SUZ12: variants seen among roughly 807,000 people sequenced by gnomAD.
The protein encoded by SUZ12 is polycomb protein SUZ12.
In SUZ12, 17 loss-of-function variants were observed where a neutral mutation model predicts 87.3. That is an observed-to-expected ratio of 0.19 (90% CI 0.13 to 0.29). SUZ12 has a LOEUF of 0.29. Ranked by LOEUF, SUZ12 falls within the 10% of genes least tolerant of loss-of-function variation. SUZ12 has a pLI of 1.00. For missense variants in SUZ12, 526 were observed against 912.2 expected (o/e 0.58, Z 5.45); for synonymous variants, 253 against 312.4 (o/e 0.81, Z 2.01).
chr17:31,946,062 T>C (rs1906618018), intron 3 of SUZ12, among the ~76,000 whole-genome samples: 1 of 152,190 alleles, frequency 6.6e-6, no homozygotes, highest in Non-Finnish European at 1.5e-5. Flanking sequence ...TATTGAAGTT[T>C]TCAGTAACTC....
Position 31,996,828 on chromosome 17 carries a change from G to A in SUZ12, c.1825G>A (p.Gly609Arg). ...TGAAGAGTTTTCTGATGTTAATGAA[G>A]GAGAGAAAGAAGTGATGAAACTCTG... Reference protein sequence around the residue: ...QIEEFSDVNEGEKEVMKLWNL... With the variant: ...QIEEFSDVNEREKEVMKLWNL... The change falls in exon 15 of 16, where the codon GGA becomes AGA. Residue 609 changes from glycine to arginine, a missense_variant. Coordinates refer to ENST00000322652, the MANE Select transcript of SUZ12 (RefSeq NM_015355.4). 6.4e-7 allele frequency: 1 copy of A among 1,553,410 alleles called. No individual in the cohort carries two copies. Among genetic ancestry groups the A allele is most frequent in the South Asian group, 1.3e-5 (1 of 77,928 alleles).
intron 1 of SUZ12, 71 bp from the exon 2 acceptor site, chr17:31,940,215 C>T: frequency 6.4e-7 from 1 of 1,560,914 alleles, no homozygotes; most frequent in Non-Finnish European, 8.6e-7. Flanking sequence ...TTGATTATAA[C>T]ATGGTCTCGG....
intron 4 of SUZ12, among the ~76,000 whole-genome samples, chr17:31,964,413 G>GTTGTT (rs1907961032): frequency 7.0e-6 from 1 of 142,028 alleles, no homozygotes; most frequent in African/African-American, 2.6e-5. Context: ...AACTCTGTAG[G>GTTGTT]TTTTTTTTTT....
intron 9 of SUZ12, among the ~76,000 whole-genome samples, chr17:31,987,734 C>T (rs1490358654): frequency 6.6e-6 from 1 of 152,020 alleles, no homozygotes; most frequent in Non-Finnish European, 1.5e-5. Flanking sequence ...AGTTCAAGAC[C>T]AGCCTGGCCA....
intron 4 of SUZ12, among the ~76,000 whole-genome samples, chr17:31,954,787 G>A (rs1365793645): frequency 2.0e-5 from 3 of 152,060 alleles, no homozygotes; most frequent in Non-Finnish European, 1.5e-5. Context: ...GGGGTGGGAG[G>A]ATGAACAAAT....
chr17:31,944,707 ATTTCAG>A (rs1247035995), intron 3 of SUZ12, among the ~76,000 whole-genome samples: 2 of 152,120 alleles, frequency 1.3e-5, no homozygotes, highest in Non-Finnish European at 2.9e-5. Flanking sequence ...CAGACCTGTA[ATTTCAG>A]CATTTCGGGA....
Position 31,988,331 on chromosome 17 carries a change from A to C in SUZ12, c.1035A>C (p.Pro345=), listed in dbSNP as rs1219912111. The C allele has an allele frequency of 6.4e-7, 1 of 1,563,002 alleles. No homozygotes were observed. ...TTTTTATTTTTTAGAGGCTGCCTCC[A>C]TTCGAAACATTTTCTCAGGGACCTA... ...ETILDGKRLP[P]FETFSQGPTL... Residue 345 remains proline (P), a synonymous_variant, in exon 10 of 16, where the codon CCA becomes CCC. Transcript: ENST00000322652.
intron 8 of SUZ12, among the ~76,000 whole-genome samples, chr17:31,979,013 G>A (rs1278365944): frequency 6.7e-6 from 1 of 150,308 alleles, no homozygotes; most frequent in Non-Finnish European, 1.5e-5. Flanking sequence ...GGCTGAGGCA[G>A]GAGAATCGCT....
At chr17:31,958,725 A>AT (rs572798316) in intron 4 of SUZ12, among the ~76,000 whole-genome samples, 7 of 152,312 alleles carry the variant, frequency 4.6e-5, no homozygotes, top group African/African-American at 1.7e-4. Flanking sequence ...ATGTGCCTGT[A>AT]TTTCTAGCTA....
intron 6 of SUZ12, among the ~76,000 whole-genome samples, chr17:31,973,896 G>C (rs1386385812): frequency 6.6e-6 from 1 of 152,080 alleles, no homozygotes. Flanking sequence ...GTAGACTAAG[G>C]CACCATGGAG....
intron 9 of SUZ12, among the ~76,000 whole-genome samples, chr17:31,984,082 G>C (rs1909272096): frequency 6.6e-6 from 1 of 152,036 alleles, no homozygotes; most frequent in South Asian, 2.1e-4. Flanking sequence ...GGAAATTTTA[G>C]AAAAATATTT....
intron 4 of SUZ12, among the ~76,000 whole-genome samples, chr17:31,950,123 A>G (rs1377608044): frequency 1.3e-5 from 2 of 151,936 alleles, no homozygotes; most frequent in African/African-American, 4.8e-5. Context: ...AGTAGCAGGG[A>G]TTACAGGTGC....
At chr17:31,943,165 G>T (rs150900365) in intron 3 of SUZ12, among the ~76,000 whole-genome samples, 8,078 of 152,256 alleles carry the variant, frequency 0.053, 309 homozygotes, top group Middle Eastern at 0.092. Flanking sequence ...TAACTAAAAA[G>T]GAGGTGATGA....
intron 9 of SUZ12, among the ~76,000 whole-genome samples, chr17:31,985,145 C>CA (rs1186455591): frequency 1.0e-5 from 1 of 97,156 alleles, no homozygotes; most frequent in Non-Finnish European, 1.9e-5. Flanking sequence ...GGAAACAGAG[C>CA]AAGACTCTGT....
chr17:31,983,730 ATATT>A (rs1909253146), intron 9 of SUZ12, among the ~76,000 whole-genome samples: 1 of 152,204 alleles, frequency 6.6e-6, no homozygotes, highest in Non-Finnish European at 1.5e-5. Flanking sequence ...AAATAATAAA[ATATT>A]TAGTACAGTG....
chr17:31,951,075 C>A (rs1355466731), intron 4 of SUZ12, among the ~76,000 whole-genome samples: 1 of 152,092 alleles, frequency 6.6e-6, no homozygotes, highest in Non-Finnish European at 1.5e-5. Context: ...CCACCGCGCC[C>A]GGCATATATT....
At chr17:31,955,716 C>T (rs987326784) in intron 4 of SUZ12, among the ~76,000 whole-genome samples, 1 of 151,664 alleles carries the variant, frequency 6.6e-6, no homozygotes, top group South Asian at 2.1e-4. Context: ...CCATTGCACT[C>T]CAGCATGGGC....
chr17:31,974,730 T>C (rs1162236116), intron 6 of SUZ12, among the ~76,000 whole-genome samples: 3 of 152,192 alleles, frequency 2.0e-5, no homozygotes, highest in African/African-American at 4.8e-5. Flanking sequence ...ATTCATAGTT[T>C]TCACTTTATA....
rs548082858 is a variant in SUZ12, at chr17:31,953,165, G to A, written c.455+5480G>A. Among the ~76,000 whole-genome samples, 13 of 152,182 alleles carry A rather than the reference G, an allele frequency of 8.5e-5. No homozygotes were observed. The South Asian group carries it at 2.3e-3, about 27-fold the overall frequency. Reference sequence around the variant, plus strand: ...CTGTCACCCAGGCAGGAATATAGTGGCATGATCTTGGCTCACTGCAACCTC... The same window carrying A: ...CTGTCACCCAGGCAGGAATATAGTGACATGATCTTGGCTCACTGCAACCTC... On this transcript the variant is annotated intron_variant, in intron 4 of 15. Coordinates refer to ENST00000322652, the MANE Select transcript of SUZ12 (RefSeq NM_015355.4).
Sources: gnomAD v4.1 joint callset for allele counts (sites outside exome capture counted in the v4.1 genomes callset) on GRCh38, gnomAD v4.1.1 for gene constraint, MANE v1.5 for transcripts, NCBI Gene and HGNC (gene_info 2026-07-23, HGNC 2026-07-21) for gene names.